The following RFX2 variants were observed in gnomAD, a reference collection of about 807,000 sequenced individuals.
RFX2 encodes regulatory factor X2, also known as DNA-binding protein RFX2.
In RFX2, 20 loss-of-function variants were observed where a neutral mutation model predicts 87.8. The observed-to-expected ratio is 0.23, with a 90% CI of 0.16 to 0.33. The LOEUF is 0.33. Among genes scored for constraint, RFX2 ranks in the 10% least tolerant of loss-of-function variants. The pLI is 1.00. For synonymous variants in RFX2, 397 were observed against 431.3 expected (o/e 0.92, Z 0.98); for missense variants, 767 against 1,012.3 (o/e 0.76, Z 3.29).
intron 4 of RFX2, among the ~76,000 whole-genome samples, chr19:6,041,205 G>A (rs779181229): frequency 3.2e-4 from 49 of 152,026 alleles, no homozygotes; most frequent in Non-Finnish European, 5.3e-4. Context: ...ATATGGGTGT[G>A]CACCGCCACA....
At position 6,011,870 on chromosome 19, in the gene RFX2, G is replaced by T. The variant is rs555077241; in HGVS notation, c.899+1116C>A. ...ATTGCAATGTGGCCCCTGCCCTCAG[G>T]GGGGGCACTTGTGGAGGCACACTGG... On this transcript the variant is annotated intron_variant, in intron 8 of 17. Coordinates refer to ENST00000303657, the MANE Select transcript of RFX2 (RefSeq NM_000635.4). The surrounding 1 kb of genome is among the most constrained non-coding windows in gnomAD (Gnocchi z 4.8). Among the ~76,000 whole-genome samples the T allele has an allele frequency of 1.3e-5, 2 of 152,346 alleles. No homozygotes were observed. The highest frequency in any genetic ancestry group is 1.3e-4 in the Admixed American group (2 of 15,278).
chr19:6,073,590 T>A, intron 1 of RFX2: 1 of 325,634 alleles, frequency 3.1e-6, no homozygotes, highest in Non-Finnish European at 5.6e-6. Flanking sequence ...AAAAGATATA[T>A]AAAAACAAAA....
intron 4 of RFX2, among the ~76,000 whole-genome samples, chr19:6,041,529 C>T (rs78698956): frequency 0.069 from 10,383 of 151,434 alleles, 1,210 homozygotes; most frequent in African/African-American, 0.24. Flanking sequence ...TTAACAGAGG[C>T]GAGGGGAAAA....
chr19:6,054,312 T>C (rs1037263185), intron 1 of RFX2, among the ~76,000 whole-genome samples: 1 of 152,108 alleles, frequency 6.6e-6, no homozygotes, highest in Non-Finnish European at 1.5e-5. Context: ...GTGAATGCTA[T>C]CAAATACTGA....
chr19:6,071,312 A>T (rs2087603201), intron 1 of RFX2, among the ~76,000 whole-genome samples: 1 of 152,202 alleles, frequency 6.6e-6, no homozygotes, highest in African/African-American at 2.4e-5. Flanking sequence ...CTGGCTCCAG[A>T]CAAGGAATGG....
intron 1 of RFX2, among the ~76,000 whole-genome samples, chr19:6,058,187 G>A (rs1033508882): frequency 2.6e-5 from 4 of 152,188 alleles, no homozygotes; most frequent in Admixed American, 6.5e-5. Flanking sequence ...GGCTGGGGCC[G>A]TCCTGAGCAC....
In RFX2 at chr19:6,040,508, C is replaced by T. The variant is rs1019428647; in HGVS notation, c.261-267G>A. ...GGCGTGGTGGCTCACGCCTGTAATCCCAGCACTTTGGGAGGCTAAGGTGGG... is the reference window on the plus strand; with the variant it reads ...GGCGTGGTGGCTCACGCCTGTAATCTCAGCACTTTGGGAGGCTAAGGTGGG... On this transcript the variant is annotated intron_variant, in intron 4 of 17. Coordinates refer to ENST00000303657, the MANE Select transcript of RFX2 (RefSeq NM_000635.4). This position sits in a 1 kb window ranked among gnomAD's most constrained non-coding sequence, Gnocchi z 6.1. Among the ~76,000 whole-genome samples the T allele has an allele frequency of 6.6e-6, 1 of 152,190 alleles. No individual in the cohort carries two copies. Among genetic ancestry groups the T allele is most frequent in the South Asian group, 2.1e-4 (1 of 4,836 alleles).
rs114452139 is a variant in RFX2, at chr19:6,102,696, T to C, written c.-9+7697A>G. On this transcript the variant is annotated intron_variant, in intron 1 of 17. Transcript: ENST00000303657. The stretch of plus-strand genomic sequence containing the variant: ...TTCCTTCTGAACCCCACAGCGCTGG[T>C]TCCCTCTCCTCATTTCAGTCTCAGC... Among the ~76,000 whole-genome samples the C allele has an allele frequency of 3.3e-3, 497 of 152,208 alleles. 2 individuals are homozygous for C. Among genetic ancestry groups the C allele is most frequent in the African/African-American group, 0.011 (476 of 41,532 alleles).
At chr19:6,036,211 G>A (rs915152369) in intron 5 of RFX2, among the ~76,000 whole-genome samples, 3 of 152,216 alleles carry the variant, frequency 2.0e-5, no homozygotes, top group Admixed American at 6.5e-5. Flanking sequence ...AATCCCAGGC[G>A]GGAGAAGTAT....
intron 1 of RFX2, among the ~76,000 whole-genome samples, chr19:6,066,899 G>A (rs969214682): frequency 2.0e-5 from 3 of 152,044 alleles, no homozygotes; most frequent in African/African-American, 7.2e-5. Context: ...TCATCCCGGA[G>A]CAACCCCCTC....
chr19:6,007,979 A>T lies in RFX2; in HGVS notation c.1134+127T>A. 2.4e-6 allele frequency: 2 copies of T among 817,142 alleles called. No homozygotes were observed. The highest frequency in any genetic ancestry group is 1.7e-5 in the African/African-American group (1 of 59,380). 50.6% of individuals were successfully genotyped at this position (817,142 alleles called of 1,614,324 possible). Reference sequence around the variant, plus strand: ...ATGGATGCGGAGGGGCTGCTGCTTCAGAGAGGATGCTTGTTGGGGGGCTCG... The same window carrying T: ...ATGGATGCGGAGGGGCTGCTGCTTCTGAGAGGATGCTTGTTGGGGGGCTCG... On this transcript the variant is annotated intron_variant, in intron 10 of 17. Coordinates refer to ENST00000303657, the MANE Select transcript of RFX2 (RefSeq NM_000635.4). This position sits in a 1 kb window ranked among gnomAD's most constrained non-coding sequence, Gnocchi z 8.2.
chr19:6,106,545 C>T (rs1041427692), intron 1 of RFX2, among the ~76,000 whole-genome samples: 1 of 152,088 alleles, frequency 6.6e-6, no homozygotes, highest in Non-Finnish European at 1.5e-5. Flanking sequence ...TTCCCCACTT[C>T]GGGTGAATAT....
intron 1 of RFX2, among the ~76,000 whole-genome samples, chr19:6,060,600 C>T (rs977242049): frequency 6.6e-6 from 1 of 152,114 alleles, no homozygotes; most frequent in African/African-American, 2.4e-5. Flanking sequence ...GAGCCTCTGT[C>T]GTCTTCTCTC....
intron 1 of RFX2, among the ~76,000 whole-genome samples, chr19:6,060,485 C>G (rs1374675473): frequency 6.6e-6 from 1 of 152,176 alleles, no homozygotes; most frequent in Non-Finnish European, 1.5e-5. Flanking sequence ...CACATCACAC[C>G]CATTTGAGGA....
In RFX2 at chr19:6,074,210, G is replaced by A. The variant is rs997364133; in HGVS notation, c.-8-26706C>T. Reference sequence around the variant, plus strand: ...GGTTTTGTAGCAGGGGTGGGGGTGCGGTACAGGAACAGATCTGGAGCTTGT... The same window carrying A: ...GGTTTTGTAGCAGGGGTGGGGGTGCAGTACAGGAACAGATCTGGAGCTTGT... On this transcript the variant is annotated intron_variant, in intron 1 of 17. Transcript: ENST00000303657. This position sits in a 1 kb window ranked among gnomAD's most constrained non-coding sequence, Gnocchi z 5.2. Among the ~76,000 whole-genome samples the A allele has an allele frequency of 3.9e-5, 6 of 152,264 alleles. No individual in the cohort carries two copies. Among genetic ancestry groups the A allele is most frequent in the East Asian group, 1.9e-4 (1 of 5,172 alleles).
Position 6,061,817 on chromosome 19 carries a change from G to A in RFX2, c.-8-14313C>T, listed in dbSNP as rs1206812022. Reference sequence around the variant, plus strand: ...CTTGGTTTCTTCATCTGAGAAAGGGGCTGGGAGGGGGAAGGGAATGATATA... The same window carrying A: ...CTTGGTTTCTTCATCTGAGAAAGGGACTGGGAGGGGGAAGGGAATGATATA... On this transcript the variant is annotated intron_variant, in intron 1 of 17. Transcript: ENST00000303657. This position sits in a 1 kb window ranked among gnomAD's most constrained non-coding sequence, Gnocchi z 5.2. 3.3e-5 allele frequency among the ~76,000 whole-genome samples: 5 copies of A among 152,274 alleles called. No homozygotes were observed. The highest frequency in any genetic ancestry group is 1.2e-4 in the African/African-American group (5 of 41,540).
intron 1 of RFX2, among the ~76,000 whole-genome samples, chr19:6,081,011 G>T (rs1034589310): frequency 6.7e-6 from 1 of 148,210 alleles, no homozygotes; most frequent in Non-Finnish European, 1.5e-5. Flanking sequence ...ATACCAGCCT[G>T]GGCAACAGAA....
rs779054947 is a variant in RFX2, at chr19:6,002,796, C to G, written c.1575G>C (p.Arg525=). 4 of 1,613,712 alleles carry G rather than the reference C, an allele frequency of 2.5e-6. No homozygotes were observed. The highest frequency in any genetic ancestry group is 3.4e-6 in the Non-Finnish European group (4 of 1,179,944). ...TCTGGGACGTGTTCTGCAGCACCGC[C>G]CGGGCCGCCTGCGCCAGGTGGTTGA... ...TSLNHLAQAA[R]AVLQNTSQIN... Residue 525 remains arginine (R), a synonymous_variant, in exon 14 of 18, where the codon CGG becomes CGC. Transcript: ENST00000303657. This position sits in a 1 kb window ranked among gnomAD's most constrained non-coding sequence, Gnocchi z 6.7.
Position 6,056,660 on chromosome 19 carries a change from G to T in RFX2, c.-8-9156C>A, listed in dbSNP as rs1030496600. On this transcript the variant is annotated intron_variant, in intron 1 of 17. Coordinates refer to ENST00000303657, the MANE Select transcript of RFX2 (RefSeq NM_000635.4). This position sits in a 1 kb window ranked among gnomAD's most constrained non-coding sequence, Gnocchi z 4.6. ...ATCCAGTGCAAGACAGTAGATGTGAGTGAGTGGAGGCCATGCTTCTTCTCT... is the reference window on the plus strand; with the variant it reads ...ATCCAGTGCAAGACAGTAGATGTGATTGAGTGGAGGCCATGCTTCTTCTCT... 1.3e-5 allele frequency among the ~76,000 whole-genome samples: 2 copies of T among 152,258 alleles called. No homozygotes were observed. Among genetic ancestry groups the T allele is most frequent in the African/African-American group, 4.8e-5 (2 of 41,458 alleles).
Sources: allele counts gnomAD v4.1 joint callset (sites outside exome capture counted in the v4.1 genomes callset), GRCh38; gene constraint gnomAD v4.1.1; non-coding constraint Gnocchi (gnomAD v3.1); transcripts MANE v1.5; gene names NCBI Gene and HGNC (gene_info 2026-07-23, HGNC 2026-07-21).